Variants in SLC60A1 observed in about 807,000 individuals in gnomAD.
SLC60A1 encodes the protein solute carrier family 60 member 1, also known as major facilitator superfamily domain containing 4.
chr1:205,594,113 A>C, the SLC60A1 span, among the ~76,000 whole-genome samples: 1 of 152,168 alleles, frequency 6.6e-6, no homozygotes, highest in African/African-American at 2.4e-5. Context: ...TCTGCTACTC[A>C]GGACATCATG....
At chr1:205,598,778 C>T in the SLC60A1 span, 15 of 235,200 alleles carry the variant, frequency 6.4e-5, no homozygotes, top group Non-Finnish European at 1.2e-4. Flanking sequence ...AAGAGTAAAA[C>T]AATATATCCT....
At chr1:205,588,469 CAA>C in the SLC60A1 span, among the ~76,000 whole-genome samples, 10 of 84,764 alleles carry the variant, frequency 1.2e-4, no homozygotes, top group East Asian at 8.2e-4. Context: ...GACTTCAAAT[CAA>C]AAAAAAAAAA....
At chr1:205,584,068 G>T in the SLC60A1 span, 2 of 1,614,072 alleles carry the variant, frequency 1.2e-6, no homozygotes, top group Non-Finnish European at 1.7e-6. Context: ...TGGAGACACA[G>T]CCTCCTGAGA....
chr1:205,570,198 C>T, the SLC60A1 span, among the ~76,000 whole-genome samples: 2 of 152,226 alleles, frequency 1.3e-5, no homozygotes, highest in Admixed American at 6.5e-5. Flanking sequence ...CACCTCCGGG[C>T]TCCCTTGTGG....
the SLC60A1 span, chr1:205,583,908 G>A: frequency 6.3e-7 from 1 of 1,589,318 alleles, no homozygotes; most frequent in African/African-American, 1.3e-5. Flanking sequence ...GCGTGGGAAG[G>A]GGGAGCTTCA....
the SLC60A1 span, chr1:205,569,282 G>A: frequency 1.1e-5 from 17 of 1,543,196 alleles, no homozygotes; most frequent in Non-Finnish European, 1.5e-5. Context: ...GCGCCCTCGG[G>A]GGCGTCTTCA....
At chr1:205,600,754 GTCACC>G in the SLC60A1 span, 1 of 372,500 alleles carries the variant, frequency 2.7e-6, no homozygotes, top group Non-Finnish European at 4.9e-6. Context: ...CACTCCATTT[GTCACC>G]TCATGCATGG....
the SLC60A1 span, chr1:205,600,494 GC>G: frequency 6.2e-7 from 1 of 1,607,304 alleles, no homozygotes; most frequent in Non-Finnish European, 8.5e-7. Flanking sequence ...AAGACTTTCA[GC>G]CTCTTGATCA....
the SLC60A1 span, among the ~76,000 whole-genome samples, chr1:205,578,837 C>T: frequency 2.0e-5 from 3 of 152,212 alleles, no homozygotes; most frequent in Non-Finnish European, 4.4e-5. Context: ...CCTCTACAAC[C>T]TCCAGAACCT....
At chr1:205,580,601 C>A in the SLC60A1 span, 6 of 1,582,496 alleles carry the variant, frequency 3.8e-6, no homozygotes, top group South Asian at 1.1e-5. This position sits in a 1 kb window ranked among gnomAD's most constrained non-coding sequence, Gnocchi z 5.0. Context: ...GCCAGGCCAC[C>A]ACTTCCCCGG....
chr1:205,593,448 T>C, the SLC60A1 span, among the ~76,000 whole-genome samples: 3 of 40,766 alleles, frequency 7.4e-5, no homozygotes, highest in Admixed American at 1.9e-4. Flanking sequence ...GGCGAGACTC[T>C]GTCTCAAAAA....
chr1:205,581,315 C>T, the SLC60A1 span, among the ~76,000 whole-genome samples: 1 of 152,336 alleles, frequency 6.6e-6, no homozygotes, highest in Non-Finnish European at 1.5e-5. This position sits in a 1 kb window ranked among gnomAD's most constrained non-coding sequence, Gnocchi z 4.2. Context: ...TCTCCTGTGC[C>T]CTCCTGTCAG....
At chr1:205,587,137 A>G in the SLC60A1 span, among the ~76,000 whole-genome samples, 4 of 152,172 alleles carry the variant, frequency 2.6e-5, no homozygotes, top group South Asian at 2.1e-4. Flanking sequence ...TCCATGACAC[A>G]GGGGTCCACA....
At chr1:205,593,454 A>AAAT in the SLC60A1 span, among the ~76,000 whole-genome samples, 25 of 9,636 alleles carry the variant, frequency 2.6e-3, no homozygotes, top group African/African-American at 0.012. Flanking sequence ...ACTCTGTCTC[A>AAAT]AAAAAAAAAA....
At chr1:205,588,441 G>A in the SLC60A1 span, among the ~76,000 whole-genome samples, 1 of 124,148 alleles carries the variant, frequency 8.1e-6, no homozygotes, top group Admixed American at 1.1e-4. Flanking sequence ...CTGCCCTCCA[G>A]CCTGAGAGAC....
the SLC60A1 span, chr1:205,598,198 C>T: frequency 1.7e-5 from 4 of 231,568 alleles, no homozygotes; most frequent in South Asian, 1.7e-4. Flanking sequence ...TCCATCCCTT[C>T]GGAACCCACC....
chr1:205,580,977 A>C, the SLC60A1 span: 1 of 1,573,058 alleles, frequency 6.4e-7, no homozygotes, highest in South Asian at 1.2e-5. The surrounding 1 kb of genome is among the most constrained non-coding windows in gnomAD (Gnocchi z 5.0). Flanking sequence ...CACACATCCC[A>C]GTCCACCCCA....
At chr1:205,597,394 T>TC in the SLC60A1 span, among the ~76,000 whole-genome samples, 1 of 142,442 alleles carries the variant, frequency 7.0e-6, no homozygotes, top group Admixed American at 7.0e-5. Flanking sequence ...TTTTTTTTTT[T>TC]TTTTTTCGTT....
At chr1:205,584,725 G>A in the SLC60A1 span, 1 of 695,030 alleles carries the variant, frequency 1.4e-6, no homozygotes, top group East Asian at 2.6e-5. Context: ...GATGGACAGG[G>A]GTTATTCCTA....
Sources: gnomAD v4.1 joint callset for allele counts (sites outside exome capture counted in the v4.1 genomes callset) on GRCh38, gnomAD v4.1.1 for gene constraint, Gnocchi (gnomAD v3.1) non-coding constraint, MANE v1.5 for transcripts, NCBI Gene and HGNC (gene_info 2026-07-23, HGNC 2026-07-21) for gene names.